The following TNS1 variants were observed in gnomAD, a reference collection of about 807,000 sequenced individuals.
TNS1 encodes the protein tensin-1.
TNS1 carries 62 observed loss-of-function variants against 168.6 expected under a neutral mutation model. The observed-to-expected ratio is 0.37, with a 90% confidence interval of 0.30 to 0.45. The LOEUF (loss-of-function observed/expected upper bound fraction) is 0.45, where lower values mean the gene tolerates loss of function less well. Among genes scored for constraint, TNS1 ranks in the 20% least tolerant of loss-of-function variants. TNS1 has a pLI of 1.00. For missense variants in TNS1, 2,240 were observed against 2,339.4 expected, an observed-to-expected ratio of 0.96 and a Z score of 0.88; for synonymous variants, 934 against 933.2, an observed-to-expected ratio of 1.00 and a Z score of -0.02.
Position 217,808,132 on chromosome 2 carries a change from G to A in TNS1, c.5343-25C>T, listed in dbSNP as rs755275150. On this transcript the variant is annotated intron_variant, in intron 31 of 32. Transcript: ENST00000682258. ...CCTGTGGAGAGAAAGTGGGCTCAGG[G>A]TAAATCATCGTACTTTCTCCCTAGA... is the stretch of plus-strand genomic sequence containing the variant. 6.2e-6 allele frequency: 10 copies of A among 1,611,748 alleles called. No homozygotes were observed. The Admixed American group carries it at 1.5e-4, about 24-fold the overall frequency.
rs558458788 is a variant in TNS1, at chr2:217,818,256, T to A, written c.4076A>T (p.Gln1359Leu). The A allele has an allele frequency of 6.2e-7, 1 of 1,613,226 alleles. No individual in the cohort carries two copies. The highest frequency in any genetic ancestry group is 8.5e-7 in the Non-Finnish European group (1 of 1,179,646). ...CACTTTGTTGTGGAGGCCAGAAACC[T>A]GGTAGACCCCTGCTGGGTGCCGACA... ...SLCRHPAGVY[Q>L]VSGLHNKVAT... The change falls in exon 24 of 33, where the codon CAG (glutamine) becomes CTG (leucine). Residue 1359 changes from glutamine to leucine, a missense_variant. Physicochemically the swap from Gln to Leu is moderately radical, Grantham distance 113 (BLOSUM62 -2). Around this residue, in one of 2 missense-constraint regions of TNS1, gnomAD observed 2,131 missense variants for 2,171.2 expected, o/e 0.98. Coordinates refer to ENST00000682258, the MANE Select transcript of TNS1 (RefSeq NM_001387777.1).
chr2:217,967,757 C>G (rs981042864), intron 3 of TNS1, among the ~76,000 whole-genome samples: 5 of 152,178 alleles, frequency 3.3e-5, no homozygotes, highest in African/African-American at 1.2e-4. Flanking sequence ...GAATCAATAT[C>G]AATTCTTTAC....
rs1006021102 is a variant in TNS1 at position 217,995,658 on chromosome 2, C to G, written c.34-4602G>C. Reference sequence around the variant, plus strand: ...ACAAGTGGCAGACGGCCTCACGGAGCACACCCCGGGGCCCTTCCTTTGCTG... The same window carrying G: ...ACAAGTGGCAGACGGCCTCACGGAGGACACCCCGGGGCCCTTCCTTTGCTG... On this transcript the variant is annotated intron_variant, in intron 1 of 32. Coordinates refer to ENST00000682258, the MANE Select transcript of TNS1 (RefSeq NM_001387777.1). The surrounding 1 kb of genome is among the most constrained non-coding windows in gnomAD (Gnocchi z 4.1). Among the ~76,000 whole-genome samples the G allele has an allele frequency of 7.2e-5, 11 of 152,138 alleles. No individual in the cohort carries two copies. Among genetic ancestry groups the G allele is most frequent in the African/African-American group, 2.7e-4 (11 of 41,420 alleles).
chr2:217,972,683 C>T (rs970877735), intron 3 of TNS1, among the ~76,000 whole-genome samples: 1 of 152,236 alleles, frequency 6.6e-6, no homozygotes, highest in Non-Finnish European at 1.5e-5. Flanking sequence ...GCCTGCCCAG[C>T]AGCTGCCTGG....
rs771967175 is a variant in TNS1, at chr2:217,817,969, G to T, written c.4363C>A (p.Pro1455Thr). ...SASGYQAPST[P>T]SFPVSPAYYP... Reference sequence around the variant, plus strand: ...TAGGCAGGGGAGACAGGGAAGGAGGGCGTGGAAGGAGCCTGGTAGCCAGAG... The same window carrying T: ...TAGGCAGGGGAGACAGGGAAGGAGGTCGTGGAAGGAGCCTGGTAGCCAGAG... The change falls in exon 24 of 33, where the codon CCC becomes ACC. Residue 1455 changes from proline (P) to threonine (T), a missense_variant. Physicochemically the swap from Pro to Thr is conservative, Grantham distance 38 (BLOSUM62 -1). Around this residue, in one of 2 missense-constraint regions of TNS1, gnomAD observed 2,131 missense variants for 2,171.2 expected, o/e 0.98. Transcript: ENST00000682258. The T allele has an allele frequency of 1.9e-6, 3 of 1,604,716 alleles. No individual in the cohort carries two copies. The highest frequency in any genetic ancestry group is 2.6e-6 in the Non-Finnish European group (3 of 1,175,476).
At chr2:217,985,441 G>T (rs190771454) in intron 2 of TNS1, 1 of 151,462 alleles carries the variant, frequency 6.6e-6, no homozygotes, top group Admixed American at 6.6e-5. Context: ...TTTTTGAGAT[G>T]GAGTTTCACT....
chr2:217,893,554 T>G lies in TNS1; in HGVS notation c.602A>C (p.Glu201Ala). ...DITKLHAKVL[E>A]FGWPDLHTPA... ...GGTGTGGAGGTCGGGCCAGCCAAAT[T>G]CCAGTACCTGTGGCCCAAGCCATGA... is the stretch of plus-strand genomic sequence containing the variant. The change falls in exon 10 of 33, where the codon GAA becomes GCA. Residue 201 changes from glutamate (E) to alanine (A), a missense_variant. This residue lies in a region of TNS1 where 2,131 missense variants were observed against 2,171.2 expected (regional missense o/e 0.98). Transcript: ENST00000682258. 1 of 1,609,962 alleles carries G rather than the reference T, an allele frequency of 6.2e-7. No homozygotes were observed. The highest frequency in any genetic ancestry group is 8.5e-7 in the Non-Finnish European group (1 of 1,178,362).
intron 12 of TNS1, among the ~76,000 whole-genome samples, chr2:217,890,162 C>T (rs1161389337): frequency 3.3e-5 from 5 of 152,180 alleles, no homozygotes; most frequent in Admixed American, 2.0e-4. Flanking sequence ...GATAGCTCAC[C>T]GTGATTCCAG....
chr2:218,011,264 A>G (rs1474602168), upstream of TNS1, among the ~76,000 whole-genome samples: 2 of 152,130 alleles, frequency 1.3e-5, no homozygotes, highest in Non-Finnish European at 2.9e-5. Context: ...AAGGAAAAAG[A>G]GGGGAGGCGG....
intron 4 of TNS1, among the ~76,000 whole-genome samples, chr2:217,907,680 G>C (rs6739316): frequency 0.22 from 33,328 of 152,130 alleles, 3,885 homozygotes; most frequent in Admixed American, 0.28. Context: ...CTCTAATAGA[G>C]ACGGCAGGAT....
Position 217,838,713 on chromosome 2 carries a change from T to C in TNS1, c.3008-2502A>G, listed in dbSNP as rs376488439. 1.1e-4 allele frequency among the ~76,000 whole-genome samples: 16 copies of C among 152,306 alleles called. No homozygotes were observed. In the South Asian group the frequency reaches 2.3e-3, roughly 22 times the overall value. On this transcript the variant is annotated intron_variant, in intron 19 of 32. Transcript: ENST00000682258. Reference sequence around the variant, plus strand: ...CCCCCTTGGCAAGCCCAGATCCGCCTGGAGTGCCTGGAGAGACATGTTCCC... The same window carrying C: ...CCCCCTTGGCAAGCCCAGATCCGCCCGGAGTGCCTGGAGAGACATGTTCCC...
intron 18 of TNS1, among the ~76,000 whole-genome samples, chr2:217,856,518 T>C (rs7581920): frequency 0.3 from 45,121 of 152,002 alleles, 6,880 homozygotes; most frequent in Middle Eastern, 0.39. Flanking sequence ...AATGGGCTTC[T>C]GCAGGGGCTC....
At chr2:217,807,754 G>T (rs766391417) in intron 32 of TNS1, among the ~76,000 whole-genome samples, 3 of 152,234 alleles carry the variant, frequency 2.0e-5, no homozygotes, top group Non-Finnish European at 4.4e-5. Context: ...GGGCAGAAAA[G>T]ATCATGTAAG....
chr2:217,977,977 T>C (rs367681169), intron 3 of TNS1, among the ~76,000 whole-genome samples: 4 of 152,276 alleles, frequency 2.6e-5, no homozygotes, highest in South Asian at 4.2e-4. Context: ...GCTGAGCCCA[T>C]TGGACAGAAC....
At chr2:217,903,254 A>T (rs1953230548) in intron 6 of TNS1, among the ~76,000 whole-genome samples, 1 of 151,976 alleles carries the variant, frequency 6.6e-6, no homozygotes, top group Non-Finnish European at 1.5e-5. Context: ...GACCTCAGAG[A>T]GCTTATATTT....
intron 18 of TNS1, among the ~76,000 whole-genome samples, chr2:217,854,327 A>G (rs1350777181): frequency 6.6e-6 from 1 of 152,222 alleles, no homozygotes; most frequent in African/African-American, 2.4e-5. Context: ...GAAAGGAGTC[A>G]CCTTCATTGG....
chr2:217,902,892 C>T (rs1953182928), intron 6 of TNS1, among the ~76,000 whole-genome samples: 1 of 152,192 alleles, frequency 6.6e-6, no homozygotes, highest in South Asian at 2.1e-4. Flanking sequence ...GTGACCCTTG[C>T]TGGCGGACAG....
chr2:217,914,238 T>TTC (rs1954749622), intron 4 of TNS1, among the ~76,000 whole-genome samples: 1 of 152,156 alleles, frequency 6.6e-6, no homozygotes. Context: ...CATAGTGTGG[T>TTC]TCTCCCTCTC....
At chr2:217,890,679 TTC>T (rs1951655073) in intron 12 of TNS1, 1 of 497,476 alleles carries the variant, frequency 2.0e-6, no homozygotes, top group South Asian at 2.4e-5. Flanking sequence ...GACCAGCGCC[TTC>T]TTATCCCCAG....
Sources: allele counts gnomAD v4.1 joint callset (sites outside exome capture counted in the v4.1 genomes callset), GRCh38; gene constraint gnomAD v4.1.1; regional missense constraint gnomAD v4.1.1; non-coding constraint Gnocchi (gnomAD v3.1); transcripts MANE v1.5; gene names NCBI Gene and HGNC (gene_info 2026-07-23, HGNC 2026-07-21).